COLEC12: variants seen among roughly 807,000 people sequenced by gnomAD.
COLEC12 encodes the protein collectin-12.
Under a neutral mutation model 71.1 loss-of-function variants are expected in COLEC12, and 33 were observed. The ratio of observed to expected loss-of-function variants is 0.46; its 90% CI spans 0.35 to 0.62. The LOEUF (loss-of-function observed/expected upper bound fraction) is 0.62, where lower values mean the gene tolerates loss of function less well. Ranked by LOEUF, COLEC12 falls within the 20% of genes least tolerant of loss-of-function variation. The pLI is 0.00. For synonymous variants in COLEC12, 350 were observed against 353.0 expected (o/e 0.99, Z 0.10); for missense variants, 765 against 916.1 (o/e 0.84, Z 2.13).
intron 2 of COLEC12, among the ~76,000 whole-genome samples, chr18:382,135 G>A (rs1915246770): frequency 1.3e-5 from 2 of 152,276 alleles, no homozygotes; most frequent in South Asian, 2.1e-4. Flanking sequence ...GTATACTGTG[G>A]GTCAAACAGG....
At chr18:493,522 T>C (rs1408931567) in intron 1 of COLEC12, among the ~76,000 whole-genome samples, 1 of 152,242 alleles carries the variant, frequency 6.6e-6, no homozygotes, top group Non-Finnish European at 1.5e-5. Flanking sequence ...AGCCAGATTA[T>C]CTGAACCTCA....
intron 2 of COLEC12, among the ~76,000 whole-genome samples, chr18:374,645 G>A (rs56800181): frequency 0.057 from 8,685 of 152,128 alleles, 569 homozygotes; most frequent in East Asian, 0.33. Flanking sequence ...GTTTTGGGGC[G>A]GCTTGTTATA....
intron 2 of COLEC12, among the ~76,000 whole-genome samples, chr18:477,643 T>C (rs963414130): frequency 1.3e-5 from 2 of 151,868 alleles, no homozygotes; most frequent in Admixed American, 1.3e-4. Flanking sequence ...CTCGGGAGAG[T>C]GATAATACAG....
chr18:488,219 T>C (rs1291259867), intron 1 of COLEC12, among the ~76,000 whole-genome samples: 1 of 152,044 alleles, frequency 6.6e-6, no homozygotes, highest in Non-Finnish European at 1.5e-5. Flanking sequence ...GAGACCAGCC[T>C]GGCCAACATG....
At chr18:385,579 T>G (rs868252195) in intron 2 of COLEC12, among the ~76,000 whole-genome samples, 5 of 152,128 alleles carry the variant, frequency 3.3e-5, no homozygotes, top group Admixed American at 6.6e-5. Context: ...CATCTTGGCC[T>G]CCCAAAGTGC....
At chr18:348,029 CAG>C in intron 4 of COLEC12, 34 bp downstream of exon 4, 1 of 1,344,358 alleles carries the variant, frequency 7.4e-7, no homozygotes, top group East Asian at 2.3e-5. Flanking sequence ...TATGTAGAGT[CAG>C]GGGATTTCAT....
intron 2 of COLEC12, among the ~76,000 whole-genome samples, chr18:369,647 G>A (rs1427660628): frequency 6.6e-6 from 1 of 151,856 alleles, no homozygotes; most frequent in Admixed American, 6.6e-5. Flanking sequence ...AAATTTCCAT[G>A]GAAACAAGGT....
chr18:357,906 C>T (rs953411292), intron 2 of COLEC12, among the ~76,000 whole-genome samples: 6 of 152,184 alleles, frequency 3.9e-5, no homozygotes, highest in African/African-American at 1.4e-4. Context: ...TGTTAGGAAC[C>T]GGCTGCACAG....
intron 2 of COLEC12, among the ~76,000 whole-genome samples, chr18:380,980 T>A (rs186673000): frequency 1.3e-5 from 2 of 152,294 alleles, no homozygotes; most frequent in East Asian, 3.9e-4. Context: ...GAGAGCCATA[T>A]ATTATTTCCA....
chr18:403,084 A>C (rs1441795794), intron 2 of COLEC12, among the ~76,000 whole-genome samples: 1 of 152,326 alleles, frequency 6.6e-6, no homozygotes, highest in East Asian at 1.9e-4. Context: ...TCCCAAAGTA[A>C]GAAGTGCAAA....
intron 2 of COLEC12, among the ~76,000 whole-genome samples, chr18:434,365 C>T (rs1023964043): frequency 3.9e-5 from 6 of 152,112 alleles, no homozygotes; most frequent in African/African-American, 1.2e-4. Flanking sequence ...TTCAAAAATA[C>T]AAAGTAATAA....
At chr18:438,775 C>G (rs1598363363) in intron 2 of COLEC12, among the ~76,000 whole-genome samples, 1 of 149,734 alleles carries the variant, frequency 6.7e-6, no homozygotes, top group East Asian at 2.0e-4. Context: ...TGCATTGCAG[C>G]CTGGGCGACA....
intron 2 of COLEC12, among the ~76,000 whole-genome samples, chr18:434,403 T>G (rs2186829): frequency 0.87 from 132,299 of 152,208 alleles, 58,305 homozygotes; most frequent in East Asian, 1. Context: ...GAAAGATAAA[T>G]GCAGCACACA....
At position 384,147 on chromosome 18, in the gene COLEC12, G is replaced by A. The variant is rs1175641570; in HGVS notation, c.59-26625C>T. Among the ~76,000 whole-genome samples the A allele has an allele frequency of 4.6e-5, 7 of 152,206 alleles. No homozygotes were observed. In the East Asian group the frequency reaches 1.4e-3, roughly 29 times the overall value. ...GTGGTTCTGAATCTTGGCTACAATC[G>A]ACATACCCAAGAAGCTTTTATAAAT... is the stretch of plus-strand genomic sequence containing the variant. On this transcript the variant is annotated intron_variant, in intron 2 of 9. Coordinates refer to ENST00000400256, the MANE Select transcript of COLEC12 (RefSeq NM_130386.3).
At chr18:492,232 C>T (rs1917632020) in intron 1 of COLEC12, among the ~76,000 whole-genome samples, 1 of 152,128 alleles carries the variant, frequency 6.6e-6, no homozygotes, top group Admixed American at 6.5e-5. Context: ...AAATTATAGA[C>T]ATAAAATGAC....
intron 2 of COLEC12, among the ~76,000 whole-genome samples, chr18:363,040 G>A (rs1349694199): frequency 6.6e-6 from 1 of 152,054 alleles, no homozygotes; most frequent in Non-Finnish European, 1.5e-5. Context: ...GGCAGGGGGG[G>A]AATGGGGGCT....
At chr18:357,883 C>T (rs1187828686) in intron 2 of COLEC12, among the ~76,000 whole-genome samples, 1 of 152,178 alleles carries the variant, frequency 6.6e-6, no homozygotes, top group Non-Finnish European at 1.5e-5. Context: ...GGACTGGTAC[C>T]AGTCTGGTGG....
At chr18:381,154 G>A (rs1330094474) in intron 2 of COLEC12, among the ~76,000 whole-genome samples, 1 of 152,176 alleles carries the variant, frequency 6.6e-6, no homozygotes, top group East Asian at 1.9e-4. Context: ...TGCAAGGCAG[G>A]TGAAGAAAAG....
At chr18:391,837 T>C (rs1915469847) in intron 2 of COLEC12, among the ~76,000 whole-genome samples, 1 of 152,210 alleles carries the variant, frequency 6.6e-6, no homozygotes, top group Admixed American at 6.5e-5. Flanking sequence ...TTCAAGTTTA[T>C]CCTTATTATT....
Sources: allele counts gnomAD v4.1 joint callset (sites outside exome capture counted in the v4.1 genomes callset), GRCh38; gene constraint gnomAD v4.1.1; transcripts MANE v1.5; gene names NCBI Gene and HGNC (gene_info 2026-07-23, HGNC 2026-07-21).